Variants in USP34 observed in about 807,000 individuals in gnomAD.
The protein encoded by USP34 is ubiquitin specific peptidase 34.
In USP34, 70 loss-of-function variants were observed where a neutral mutation model predicts 460.3. The ratio of observed to expected loss-of-function variants is 0.15; its 90% CI spans 0.13 to 0.19. The LOEUF is 0.19. USP34 is among the 10% of genes least tolerant of loss of function. USP34 has a pLI of 1.00. For missense variants in USP34, 3,985 were observed against 4,236.2 expected (o/e 0.94, Z 1.65); for synonymous variants, 1,647 against 1,405.3 (o/e 1.17, Z -3.85).
chr2:61,405,573 A>G, intron 3 of USP34, 135 bp downstream of exon 3: 1 of 910,348 alleles, frequency 1.1e-6, no homozygotes, highest in Non-Finnish European at 1.6e-6. Context: ...AATGCTCTGG[A>G]GAAACATTAA....
At chr2:61,453,375 C>G (rs1480506508) in intron 1 of USP34, among the ~76,000 whole-genome samples, 2 of 151,820 alleles carry the variant, frequency 1.3e-5, no homozygotes, top group African/African-American at 4.8e-5. Context: ...GGTCACGCCA[C>G]TGTACTCCAG....
chr2:61,298,364 C>CAAAAAA (rs11417017), intron 29 of USP34, among the ~76,000 whole-genome samples: 13 of 48,046 alleles, frequency 2.7e-4, no homozygotes, highest in Admixed American at 6.5e-4. Context: ...TACAAAAATA[C>CAAAAAA]AAAAAAAAAA....
At position 61,348,002 on chromosome 2, in the gene USP34, G is replaced by C; in HGVS notation, c.2153C>G (p.Ser718Cys). Residue 718 changes from serine to cysteine, a missense_variant, in exon 15 of 80, where the codon TCT (serine) becomes TGT (cysteine). By Grantham distance (112) the Ser-to-Cys change is moderately radical. Transcript: ENST00000398571. Reference protein sequence around the residue: ...EMNATHIAQGSQESCITRTGD... With the variant: ...EMNATHIAQGCQESCITRTGD... ...AGTTCGTGTGATACAAGACTCCTGA[G>C]ACCCTTGTGCTATATGAGTAGCATT... The C allele has an allele frequency of 6.2e-7, 1 of 1,614,140 alleles. No individual in the cohort carries two copies. Among genetic ancestry groups the C allele is most frequent in the Non-Finnish European group, 8.5e-7 (1 of 1,180,022 alleles).
chr2:61,326,492 T>C (rs567537808), intron 20 of USP34, among the ~76,000 whole-genome samples: 2 of 152,192 alleles, frequency 1.3e-5, no homozygotes, highest in Admixed American at 6.5e-5. Context: ...CCTAGCAAAG[T>C]GCTGGGATTA....
intron 12 of USP34, 109 bp downstream of exon 12, chr2:61,350,151 C>T: frequency 1.6e-6 from 2 of 1,238,748 alleles, no homozygotes; most frequent in Non-Finnish European, 2.2e-6. Flanking sequence ...TCTACCCATC[C>T]CACACTTATT....
At chr2:61,288,916 TA>T (rs749505297) in intron 33 of USP34, 39 bp from the exon 34 acceptor site, 2 of 1,588,460 alleles carry the variant, frequency 1.3e-6, no homozygotes, top group South Asian at 2.2e-5. Context: ...CTATTTTCAT[TA>T]ATTTAGAATG....
chr2:61,278,689 C>T (rs550811412), intron 39 of USP34, among the ~76,000 whole-genome samples: 20 of 151,902 alleles, frequency 1.3e-4, no homozygotes, highest in African/African-American at 3.9e-4. Flanking sequence ...AAGTCAATGA[C>T]GATTTAATGG....
intron 38 of USP34, 49 bp downstream of exon 38, chr2:61,281,041 A>G (rs1160385237): frequency 6.3e-7 from 1 of 1,577,824 alleles, no homozygotes; most frequent in Non-Finnish European, 8.6e-7. Flanking sequence ...AACTGAGGCA[A>G]AGGAAATTTC....
rs1033006465 is a variant in USP34 at position 61,232,380 on chromosome 2, G to A, written c.7113+72C>T. On this transcript the variant is annotated intron_variant, in intron 58 of 79. Transcript: ENST00000398571. ...ATATTAGGTTAAGACACACTTATAA[G>A]CAAATTGAGAATAATTAAATTGAAA... 15 of 1,256,822 alleles carry A rather than the reference G, an allele frequency of 1.2e-5. No individual in the cohort carries two copies. The African/African-American group carries it at 1.9e-4, about 16-fold the overall frequency. 77.9% of individuals were successfully genotyped at this position (1,256,822 alleles called of 1,614,324 possible).
intron 72 of USP34, among the ~76,000 whole-genome samples, chr2:61,204,911 CA>C (rs1687073988): frequency 6.6e-6 from 1 of 152,150 alleles, no homozygotes; most frequent in Non-Finnish European, 1.5e-5. Flanking sequence ...GGCTGGAGTG[CA>C]GTGGTGCAAT....
intron 48 of USP34, among the ~76,000 whole-genome samples, chr2:61,253,419 C>T (rs1688638936): frequency 6.6e-6 from 1 of 152,164 alleles, no homozygotes; most frequent in Admixed American, 6.5e-5. Flanking sequence ...ATATACGTCC[C>T]TAACTCTTAT....
intron 19 of USP34, among the ~76,000 whole-genome samples, chr2:61,331,690 ATTAC>A (rs1558534058): frequency 6.6e-6 from 1 of 152,034 alleles, no homozygotes; most frequent in African/African-American, 2.4e-5. Flanking sequence ...TGCTTTGGTC[ATTAC>A]TTAGCACAAT....
chr2:61,303,184 G>A (rs1483104244), intron 27 of USP34, among the ~76,000 whole-genome samples: 1 of 151,050 alleles, frequency 6.6e-6, no homozygotes, highest in South Asian at 2.1e-4. Context: ...CTCCAGTCTC[G>A]GCCTCCTGAA....
chr2:61,230,837 T>A (rs1473114358), intron 58 of USP34, among the ~76,000 whole-genome samples: 1 of 111,642 alleles, frequency 9.0e-6, no homozygotes, highest in Non-Finnish European at 1.8e-5. Flanking sequence ...AGAGCGAAAC[T>A]CCGTCTCAAA....
intron 33 of USP34, among the ~76,000 whole-genome samples, chr2:61,290,543 G>A (rs1278188547): frequency 1.3e-5 from 2 of 151,996 alleles, no homozygotes; most frequent in Non-Finnish European, 2.9e-5. Context: ...CTGAATAAAA[G>A]AAGCCAGATA....
At chr2:61,222,280 T>A (rs1463493419) in intron 65 of USP34, among the ~76,000 whole-genome samples, 2 of 152,264 alleles carry the variant, frequency 1.3e-5, no homozygotes, top group Admixed American at 1.3e-4. Context: ...TTCTATTTTC[T>A]ATATACTTTT....
chr2:61,454,671 TC>T (rs1695379719), intron 1 of USP34, among the ~76,000 whole-genome samples: 1 of 151,950 alleles, frequency 6.6e-6, no homozygotes, highest in Non-Finnish European at 1.5e-5. Context: ...TGCCTCAGCC[TC>T]CCGAGTAGCC....
intron 29 of USP34, among the ~76,000 whole-genome samples, 181 bp from the exon 30 acceptor site, chr2:61,297,106 T>G (rs1464290016): frequency 6.6e-6 from 1 of 152,246 alleles, no homozygotes; most frequent in African/African-American, 2.4e-5. Flanking sequence ...AGCCAAGCAG[T>G]GTTTTTTCAA....
At position 61,316,911 on chromosome 2, in the gene USP34, T is replaced by A. The variant is rs974811280; in HGVS notation, c.3282+743A>T. Reference sequence around the variant, plus strand: ...AAAAAATAATAATAATAAAAATTTTTAAAAATAATTCTTTTTCCTTTTTAA... The same window carrying A: ...AAAAAATAATAATAATAAAAATTTTAAAAAATAATTCTTTTTCCTTTTTAA... On this transcript the variant is annotated intron_variant, in intron 23 of 79. Transcript: ENST00000398571. Among the ~76,000 whole-genome samples, 61 of 152,222 alleles carry A rather than the reference T, an allele frequency of 4.0e-4. 1 individual carries two copies. The highest frequency in any genetic ancestry group is 3.4e-3 in the Middle Eastern group (1 of 294).
Sources: gnomAD v4.1 joint callset for allele counts (sites outside exome capture counted in the v4.1 genomes callset) on GRCh38, gnomAD v4.1.1 for gene constraint, MANE v1.5 for transcripts, NCBI Gene and HGNC (gene_info 2026-07-23, HGNC 2026-07-21) for gene names.